PSD3: variants seen among roughly 807,000 people sequenced by gnomAD.
The protein encoded by PSD3 is PH and SEC7 domain-containing protein 3.
A neutral mutation model predicts 105.5 loss-of-function variants in PSD3; 49 were observed. That is an observed-to-expected ratio of 0.46 (90% CI 0.37 to 0.59). PSD3 has a LOEUF of 0.59. PSD3 is among the 20% of genes least tolerant of loss of function. The probability of loss-of-function intolerance (pLI) is 0.00; values close to 1 mark genes in which losing one functional copy is unlikely to be tolerated. For synonymous variants in PSD3, 557 were observed against 457.8 expected, an observed-to-expected ratio of 1.22 and a Z score of -2.77; for missense variants, 1,561 against 1,263.8, an observed-to-expected ratio of 1.24 and a Z score of -3.57.
intron 2 of PSD3, among the ~76,000 whole-genome samples, chr8:18,891,295 T>G (rs1008805677): frequency 6.6e-6 from 1 of 152,196 alleles, no homozygotes; most frequent in Admixed American, 6.5e-5. Flanking sequence ...TATTTTATTA[T>G]GTTAATTTGC....
chr8:18,766,152 G>T (rs1806980677), intron 8 of PSD3, among the ~76,000 whole-genome samples: 1 of 151,846 alleles, frequency 6.6e-6, no homozygotes, highest in African/African-American at 2.4e-5. Context: ...TGGCCAACAT[G>T]GCAAAATGCT....
intron 10 of PSD3, among the ~76,000 whole-genome samples, chr8:18,636,017 C>T (rs1807223889): frequency 6.6e-6 from 1 of 152,018 alleles, no homozygotes; most frequent in Non-Finnish European, 1.5e-5. Context: ...ATGTAACAAA[C>T]CTGCAGGTTC....
intron 1 of PSD3, among the ~76,000 whole-genome samples, chr8:19,005,550 G>A (rs1026441963): frequency 1.3e-5 from 2 of 151,976 alleles, no homozygotes; most frequent in African/African-American, 4.8e-5. Flanking sequence ...ATGCAATCAC[G>A]ACACACTGCA....
intron 11 of PSD3, among the ~76,000 whole-genome samples, chr8:18,606,120 C>T (rs1804807832): frequency 6.6e-6 from 1 of 152,184 alleles, no homozygotes; most frequent in Non-Finnish European, 1.5e-5. Context: ...TTTGAGCTTC[C>T]TGTGTATTAT....
chr8:18,632,478 G>T, intron 11 of PSD3, 135 bp downstream of exon 11: 5 of 928,330 alleles, frequency 5.4e-6, no homozygotes, highest in South Asian at 3.5e-5. Flanking sequence ...AGGGTTAGAG[G>T]CTTTATCCAA....
chr8:19,000,236 A>G (rs1450151584), intron 1 of PSD3, among the ~76,000 whole-genome samples: 1 of 151,626 alleles, frequency 6.6e-6, no homozygotes, highest in African/African-American at 2.4e-5. Context: ...ACAAAAAGTT[A>G]AAATACAAAA....
At chr8:18,705,355 C>T (rs529499123) in intron 9 of PSD3, among the ~76,000 whole-genome samples, 23 of 151,870 alleles carry the variant, frequency 1.5e-4, no homozygotes, top group Middle Eastern at 3.4e-3. Context: ...TGGCTTAAGA[C>T]GGTGCCTATA....
chr8:18,608,844 T>C (rs1286491013), intron 11 of PSD3, among the ~76,000 whole-genome samples: 1 of 152,348 alleles, frequency 6.6e-6, no homozygotes, highest in Admixed American at 6.5e-5. Context: ...CTCCAACTTT[T>C]CTTCTCAACT....
chr8:18,904,635 A>T (rs994822052), intron 2 of PSD3, among the ~76,000 whole-genome samples: 1 of 152,230 alleles, frequency 6.6e-6, no homozygotes, highest in Non-Finnish European at 1.5e-5. Context: ...AACAAAACAA[A>T]ATAAAAATTT....
intron 2 of PSD3, among the ~76,000 whole-genome samples, chr8:18,910,932 C>CAAAAAAAAAAAAAA (rs1306913309): frequency 6.8e-6 from 1 of 147,962 alleles, no homozygotes; most frequent in Non-Finnish European, 1.5e-5. Flanking sequence ...ACATAAAATT[C>CAAAAAAAAAAAAAA]AAAAAAATAA....
intron 9 of PSD3, among the ~76,000 whole-genome samples, chr8:18,703,580 T>C (rs138685067): frequency 5.3e-5 from 8 of 152,316 alleles, no homozygotes; most frequent in African/African-American, 1.7e-4. Context: ...AGATCCCATA[T>C]AGAGAATTCC....
In PSD3 at chr8:19,046,632, C is replaced by T. The variant is rs924215579; in HGVS notation, c.324+37574G>A. Among the ~76,000 whole-genome samples the T allele has an allele frequency of 3.3e-5, 5 of 152,202 alleles. No individual in the cohort carries two copies. The East Asian group carries it at 9.6e-4, about 29-fold the overall frequency. Reference sequence around the variant, plus strand: ...TTGAAATGCCCAAGTATAACTTTGCCTTGAGTTTCCAAGACAAGCTCAAGC... The same window carrying T: ...TTGAAATGCCCAAGTATAACTTTGCTTTGAGTTTCCAAGACAAGCTCAAGC... On this transcript the variant is annotated intron_variant, in intron 1 of 1. Transcript: ENST00000521475.
intron 1 of PSD3, among the ~76,000 whole-genome samples, chr8:19,030,280 T>C (rs1827719629): frequency 6.6e-6 from 1 of 152,224 alleles, no homozygotes; most frequent in Non-Finnish European, 1.5e-5. Context: ...ACGATTAGTT[T>C]TCAAATGTTA....
At chr8:18,754,265 T>C (rs1323666903) in intron 9 of PSD3, among the ~76,000 whole-genome samples, 2 of 151,838 alleles carry the variant, frequency 1.3e-5, no homozygotes, top group African/African-American at 2.4e-5. Flanking sequence ...ATGCCTGTAA[T>C]CCCAACTACT....
At chr8:18,865,639 T>G (rs977231047) in intron 4 of PSD3, among the ~76,000 whole-genome samples, 1 of 151,986 alleles carries the variant, frequency 6.6e-6, no homozygotes, top group Non-Finnish European at 1.5e-5. Flanking sequence ...CAGCACATGG[T>G]AGGATGACCA....
intron 2 of PSD3, among the ~76,000 whole-genome samples, chr8:18,875,463 G>A (rs1033143167): frequency 3.3e-5 from 5 of 150,982 alleles, no homozygotes; most frequent in African/African-American, 1.2e-4. Flanking sequence ...GTCTTTTCAT[G>A]GTTCCACCTT....
intron 2 of PSD3, among the ~76,000 whole-genome samples, chr8:18,919,691 C>T (rs1331890083): frequency 1.3e-5 from 2 of 151,808 alleles, no homozygotes; most frequent in Non-Finnish European, 2.9e-5. Flanking sequence ...TCTATGTGCG[C>T]CATTTGTAGG....
At chr8:18,869,867 G>A (rs1371766453) in intron 3 of PSD3, among the ~76,000 whole-genome samples, 2 of 152,160 alleles carry the variant, frequency 1.3e-5, no homozygotes, top group Non-Finnish European at 2.9e-5. Context: ...TAAATTCCAT[G>A]AGGACAGTAT....
rs531663448 is a variant in PSD3 at position 19,079,172 on chromosome 8, A to T, written c.324+5034T>A. ...AGCAAGAGAACGTTGTCATGGGAAC[A>T]CTAAGGCAAATCACAAGATGAGAAA... On this transcript the variant is annotated intron_variant, in intron 1 of 1. Coordinates refer to the PSD3 transcript ENST00000521475. 5.9e-5 allele frequency among the ~76,000 whole-genome samples: 9 copies of T among 152,266 alleles called. No individual in the cohort carries two copies. In the East Asian group the frequency reaches 1.8e-3, roughly 30 times the overall value.
Sources: allele counts gnomAD v4.1 joint callset (sites outside exome capture counted in the v4.1 genomes callset), GRCh38; gene constraint gnomAD v4.1.1; transcripts MANE v1.5; gene names NCBI Gene and HGNC (gene_info 2026-07-23, HGNC 2026-07-21).